NPAS3: variants seen among roughly 807,000 people sequenced by gnomAD.
NPAS3 encodes the protein neuronal PAS domain-containing protein 3.
NPAS3 carries 14 observed loss-of-function variants against 73.1 expected under a neutral mutation model. The observed-to-expected ratio is 0.19, with a 90% CI of 0.13 to 0.30. NPAS3 has a LOEUF of 0.30. NPAS3 is among the 10% of genes least tolerant of loss of function. The pLI, the probability that NPAS3 is intolerant of heterozygous loss-of-function variation, is 1.00. For synonymous variants in NPAS3, 620 were observed against 541.5 expected, an observed-to-expected ratio of 1.14 and a Z score of -2.01; for missense variants, 1,096 against 1,250.0, an observed-to-expected ratio of 0.88 and a Z score of 1.86.
intron 2 of NPAS3, among the ~76,000 whole-genome samples, chr14:33,199,928 C>T (rs549630757): frequency 2.6e-5 from 4 of 152,100 alleles, no homozygotes; most frequent in Admixed American, 6.5e-5. Context: ...ATATGCAAGA[C>T]GTTGTCTCTC....
chr14:33,589,703 T>G (rs199667205), intron 5 of NPAS3, among the ~76,000 whole-genome samples: 1 of 147,846 alleles, frequency 6.8e-6, no homozygotes, highest in African/African-American at 2.5e-5. Flanking sequence ...AAGTATGTCT[T>G]TGATAAATTT....
chr14:33,141,137 T>G (rs1265745638), intron 2 of NPAS3, among the ~76,000 whole-genome samples: 1 of 152,226 alleles, frequency 6.6e-6, no homozygotes, highest in Non-Finnish European at 1.5e-5. Flanking sequence ...TCACTTAGTA[T>G]TTTGTCAAGA....
At chr14:33,458,842 G>C (rs1837513) in intron 4 of NPAS3, among the ~76,000 whole-genome samples, 2,413 of 152,220 alleles carry the variant, frequency 0.016, 59 homozygotes, top group African/African-American at 0.054. Flanking sequence ...TACAGGAAAG[G>C]GGTCCCGATC....
chr14:33,652,895 TCTCACCCC>T (rs2059038766), intron 5 of NPAS3, among the ~76,000 whole-genome samples: 1 of 111,402 alleles, frequency 9.0e-6, no homozygotes, highest in Admixed American at 1.1e-4. Flanking sequence ...CACCCCCATT[TCTCACCCC>T]CGTGACCTTG....
chr14:33,707,908 C>T (rs1013234470), intron 6 of NPAS3, among the ~76,000 whole-genome samples: 5 of 152,052 alleles, frequency 3.3e-5, no homozygotes, highest in African/African-American at 7.2e-5. Context: ...ATATCTGAAC[C>T]GGGGGGTGGT....
intron 4 of NPAS3, among the ~76,000 whole-genome samples, chr14:33,405,983 A>G (rs1277253132): frequency 6.6e-6 from 1 of 152,102 alleles, no homozygotes; most frequent in Admixed American, 6.6e-5. Flanking sequence ...TTTTTTTTAA[A>G]AGGAACAAGA....
intron 1 of NPAS3, among the ~76,000 whole-genome samples, chr14:32,967,192 C>T (rs2139279273): frequency 6.6e-6 from 1 of 152,170 alleles, no homozygotes; most frequent in African/African-American, 2.4e-5. Flanking sequence ...ATGATAATGA[C>T]CTTTATCATG....
In NPAS3 at chr14:33,302,308, G is replaced by C. The variant is rs575263625; in HGVS notation, c.386-64878G>C. Among the ~76,000 whole-genome samples the C allele has an allele frequency of 6.6e-5, 10 of 152,290 alleles. No homozygotes were observed. The South Asian group carries it at 1.9e-3, about 28-fold the overall frequency. On this transcript the variant is annotated intron_variant, in intron 3 of 11. Transcript: ENST00000356141. ...AAGCAAATAGAAATCTCAGAGCACA[G>C]TGTTGAAAGGAATAGGTTAAGATCT...
chr14:33,022,561 A>G (rs1009744015), intron 1 of NPAS3, among the ~76,000 whole-genome samples: 10 of 149,570 alleles, frequency 6.7e-5, no homozygotes, highest in African/African-American at 2.2e-4. Context: ...GCTGCTCTGG[A>G]GGCTGAGGCA....
intron 3 of NPAS3, among the ~76,000 whole-genome samples, chr14:33,307,276 T>C (rs2042790652): frequency 6.6e-6 from 1 of 152,206 alleles, no homozygotes; most frequent in Non-Finnish European, 1.5e-5. Context: ...AATTAACATT[T>C]GTCCTCTTTG....
intron 4 of NPAS3, among the ~76,000 whole-genome samples, chr14:33,471,045 G>C (rs2050759239): frequency 6.6e-6 from 1 of 152,076 alleles, no homozygotes; most frequent in Non-Finnish European, 1.5e-5. Flanking sequence ...CACGTAGCCA[G>C]TTATACGCTG....
At chr14:33,745,773 G>T (rs1433336610) in intron 7 of NPAS3, among the ~76,000 whole-genome samples, 1 of 152,114 alleles carries the variant, frequency 6.6e-6, no homozygotes, top group Non-Finnish European at 1.5e-5. Context: ...ATTTATTTCT[G>T]GGAAATTTCT....
intron 5 of NPAS3, among the ~76,000 whole-genome samples, chr14:33,580,683 G>A (rs2056629863): frequency 6.6e-6 from 1 of 152,078 alleles, no homozygotes; most frequent in African/African-American, 2.4e-5. Flanking sequence ...CTCACTCTAA[G>A]TTTTCTTAGA....
intron 3 of NPAS3, among the ~76,000 whole-genome samples, chr14:33,301,070 T>A (rs79321103): frequency 0.026 from 3,987 of 151,738 alleles, 182 homozygotes; most frequent in East Asian, 0.19. Context: ...ACTCCTCATG[T>A]TTTTTCTCAG....
At chr14:33,330,878 T>A (rs2043953993) in intron 3 of NPAS3, among the ~76,000 whole-genome samples, 1 of 152,212 alleles carries the variant, frequency 6.6e-6, no homozygotes, top group East Asian at 1.9e-4. Flanking sequence ...CTTAAAGAGA[T>A]GTTTTACTTA....
intron 1 of NPAS3, among the ~76,000 whole-genome samples, chr14:33,004,239 T>A (rs2038909532): frequency 6.6e-6 from 1 of 152,196 alleles, no homozygotes; most frequent in African/African-American, 2.4e-5. Flanking sequence ...ATTAGGCTCC[T>A]TTGTCATTGT....
chr14:33,791,512 A>AC (rs1285541482), intron 9 of NPAS3, among the ~76,000 whole-genome samples: 1 of 152,222 alleles, frequency 6.6e-6, no homozygotes, highest in Non-Finnish European at 1.5e-5. Context: ...AAAAGATGAC[A>AC]CCATACGGTC....
At position 33,735,348 on chromosome 14, in the gene NPAS3, G is replaced by A. The variant is rs750269970; in HGVS notation, c.852+16G>A. 2 of 1,567,066 alleles carry A rather than the reference G, an allele frequency of 1.3e-6. No individual in the cohort carries two copies. The highest frequency in any genetic ancestry group is 1.8e-6 in the Non-Finnish European group (2 of 1,137,250). ...AGGATATAAGGTAAGCCGGTTCCGGGAGGGGAGACATTGCTGTCTCAGGCC... is the reference window on the plus strand; with the variant it reads ...AGGATATAAGGTAAGCCGGTTCCGGAAGGGGAGACATTGCTGTCTCAGGCC... On this transcript the variant is annotated intron_variant, in intron 7 of 11. Transcript: ENST00000356141.
intron 3 of NPAS3, among the ~76,000 whole-genome samples, chr14:33,227,529 G>A (rs1039914679): frequency 1.1e-4 from 17 of 152,256 alleles, no homozygotes; most frequent in African/African-American, 3.6e-4. Flanking sequence ...GTACCAGCAT[G>A]GTGAGGTTCT....
Sources: allele counts gnomAD v4.1 joint callset (sites outside exome capture counted in the v4.1 genomes callset), GRCh38; gene constraint gnomAD v4.1.1; transcripts MANE v1.5; gene names NCBI Gene and HGNC (gene_info 2026-07-23, HGNC 2026-07-21).